The following EYS variants were observed in gnomAD, a reference collection of about 807,000 sequenced individuals.
The protein encoded by EYS is EGF-like photoreceptor maintenance factor, also known as protein eyes shut homolog.
A neutral mutation model predicts 282.1 loss-of-function variants in EYS; 250 were observed. The ratio of observed to expected loss-of-function variants is 0.89; its 90% CI spans 0.80 to 0.98. The LOEUF is 0.98. Ranked by LOEUF, EYS falls within the 50% of genes least tolerant of loss-of-function variation. The pLI is 0.00. For missense variants in EYS, 4,016 were observed against 3,709.0 expected (o/e 1.08, Z -2.15); for synonymous variants, 1,355 against 1,282.9 (o/e 1.06, Z -1.20).
At position 64,439,321 on chromosome 6, in the gene EYS, A is replaced by G. The variant is rs2150466486; in HGVS notation, c.5676T>C (p.Ser1892=). 6.6e-7 allele frequency: 1 copy of G among 1,514,864 alleles called. No individual in the cohort carries two copies. Among genetic ancestry groups the G allele is most frequent in the Non-Finnish European group, 8.8e-7 (1 of 1,133,976 alleles). The allele number at this position is 1,514,864 out of a possible 1,614,324, so 93.8% of individuals were successfully genotyped here. A position where few individuals can be genotyped will look rare whatever the true frequency, so the allele number is the denominator to read the frequency against. The change falls in exon 27 of 43, where the codon TCT becomes TCC. Residue 1892 remains serine, a synonymous_variant. Coordinates refer to ENST00000503581, the MANE Select transcript of EYS (RefSeq NM_001142800.2). ...AAGCCACATTCTGAAATTCTAGATA[A>G]GAATCTCCATAATAACGAACACAAC... is the stretch of plus-strand genomic sequence containing the variant. ...DFSCVRYYGD[S]YLEFQNVALN...
At chr6:64,244,114 TTAATTG>T (rs1766927535) in intron 30 of EYS, among the ~76,000 whole-genome samples, 1 of 152,158 alleles carries the variant, frequency 6.6e-6, no homozygotes, top group Non-Finnish European at 1.5e-5. Context: ...CTCACTAAAA[TTAATTG>T]TAATCTTCAT....
chr6:64,653,022 T>G (rs1456531309), intron 22 of EYS, among the ~76,000 whole-genome samples: 2 of 152,194 alleles, frequency 1.3e-5, no homozygotes, highest in Non-Finnish European at 2.9e-5. Flanking sequence ...TGTAACGTTA[T>G]TTAGAAATAG....
At chr6:64,824,206 A>T (rs1764982065) in intron 19 of EYS, among the ~76,000 whole-genome samples, 1 of 151,902 alleles carries the variant, frequency 6.6e-6, no homozygotes, top group Admixed American at 6.6e-5. Context: ...ATATGACATA[A>T]AATACAGGTG....
chr6:64,351,434 CATCT>C lies in EYS; in HGVS notation c.6078+37252_6078+37255del, dbSNP rs202115001. Among the ~76,000 whole-genome samples the C allele has an allele frequency of 5.8e-3, 885 of 151,394 alleles. 6 individuals are homozygous for C. Among genetic ancestry groups the C allele is most frequent in the African/African-American group, 0.018 (758 of 41,400 alleles). On this transcript the variant is annotated intron_variant, in intron 29 of 42. Coordinates refer to ENST00000503581, the MANE Select transcript of EYS (RefSeq NM_001142800.2). Reference sequence around the variant, plus strand: ...TTATGCCTCTATCTATCTATGCATCCATCTATCTATCTATCAATCATCTATCTAC... The same window carrying C: ...TTATGCCTCTATCTATCTATGCATCCATCTATCTATCAATCATCTATCTAC...
chr6:65,232,248 C>A (rs1320635783), intron 12 of EYS, among the ~76,000 whole-genome samples: 2 of 151,786 alleles, frequency 1.3e-5, no homozygotes, highest in Non-Finnish European at 2.9e-5. Context: ...GATATAATGT[C>A]CAAAATTAAA....
intron 5 of EYS, among the ~76,000 whole-genome samples, chr6:65,436,764 G>T (rs114551835): frequency 0.011 from 1,619 of 152,074 alleles, 19 homozygotes; most frequent in African/African-American, 0.028. Context: ...TTCAAGATAT[G>T]TATGAAGATA....
intron 7 of EYS, among the ~76,000 whole-genome samples, chr6:65,396,846 C>A (rs999703295): frequency 2.0e-5 from 3 of 151,896 alleles, no homozygotes; most frequent in Non-Finnish European, 2.9e-5. Flanking sequence ...GCAACCTATT[C>A]TATTTTTTCT....
At chr6:64,849,523 C>A (rs1765817601) in intron 19 of EYS, among the ~76,000 whole-genome samples, 1 of 152,078 alleles carries the variant, frequency 6.6e-6, no homozygotes, top group South Asian at 2.1e-4. Context: ...GCAGCTTAAA[C>A]ACCATCAGTT....
chr6:65,668,042 C>G (rs1768259376), intron 1 of EYS, among the ~76,000 whole-genome samples: 1 of 151,798 alleles, frequency 6.6e-6, no homozygotes. Context: ...GTACACAAAG[C>G]CAATTCATCA....
intron 22 of EYS, among the ~76,000 whole-genome samples, chr6:64,714,014 T>G (rs980371658): frequency 6.6e-6 from 1 of 152,228 alleles, no homozygotes; most frequent in Non-Finnish European, 1.5e-5. Context: ...ATTGTGTTCA[T>G]TTATTGCAAA....
intron 22 of EYS, among the ~76,000 whole-genome samples, chr6:64,802,393 C>A (rs986787765): frequency 2.6e-5 from 4 of 151,982 alleles, no homozygotes; most frequent in African/African-American, 9.7e-5. Context: ...AGTAACTAAA[C>A]AAGGTTTTTG....
intron 22 of EYS, among the ~76,000 whole-genome samples, chr6:64,652,702 T>C (rs1213463256): frequency 6.6e-6 from 1 of 152,214 alleles, no homozygotes; most frequent in East Asian, 1.9e-4. Context: ...AATATGAAAC[T>C]AATACCATAT....
At chr6:63,772,146 A>T (rs1166596981) in intron 40 of EYS, among the ~76,000 whole-genome samples, 2 of 151,436 alleles carry the variant, frequency 1.3e-5, no homozygotes, top group Non-Finnish European at 2.9e-5. Flanking sequence ...TAGCTGGGAA[A>T]TTTTTTAAAA....
intron 26 of EYS, among the ~76,000 whole-genome samples, chr6:64,517,145 T>C (rs973101787): frequency 2.0e-5 from 3 of 151,798 alleles, no homozygotes; most frequent in Admixed American, 6.6e-5. Flanking sequence ...CTAAGTAATA[T>C]AGTACAAGAA....
At chr6:65,371,741 CTGTGTG>C (rs112663745) in intron 8 of EYS, among the ~76,000 whole-genome samples, 23 of 70,268 alleles carry the variant, frequency 3.3e-4, no homozygotes, top group East Asian at 7.7e-4. Flanking sequence ...CTCTCTCTCT[CTGTGTG>C]TGTGTGTGTG....
chr6:64,184,083 C>T (rs926362932), intron 31 of EYS, among the ~76,000 whole-genome samples: 1 of 152,108 alleles, frequency 6.6e-6, no homozygotes, highest in Non-Finnish European at 1.5e-5. Flanking sequence ...CTGTGTCCCT[C>T]CCGTTTGTCC....
At chr6:65,644,567 C>G (rs757271832) in intron 1 of EYS, among the ~76,000 whole-genome samples, 3 of 152,160 alleles carry the variant, frequency 2.0e-5, no homozygotes, top group Non-Finnish European at 2.9e-5. Context: ...TCAAAGAACA[C>G]CTGGGAAATT....
intron 29 of EYS, among the ~76,000 whole-genome samples, chr6:64,361,616 C>T (rs979405555): frequency 1.3e-5 from 2 of 151,704 alleles, no homozygotes; most frequent in African/African-American, 4.8e-5. Flanking sequence ...TTTTCACAAA[C>T]CTAACACAAA....
intron 42 of EYS, among the ~76,000 whole-genome samples, chr6:63,726,184 A>G (rs1446752869): frequency 6.6e-6 from 1 of 152,300 alleles, no homozygotes; most frequent in East Asian, 1.9e-4. Flanking sequence ...TGTATCAGCC[A>G]TGCCTTCCTT....
Sources: allele counts gnomAD v4.1 joint callset (sites outside exome capture counted in the v4.1 genomes callset), GRCh38; gene constraint gnomAD v4.1.1; transcripts MANE v1.5; gene names NCBI Gene and HGNC (gene_info 2026-07-23, HGNC 2026-07-21).